Variants in AGK observed in about 807,000 individuals in gnomAD.
The protein encoded by AGK is acylglycerol kinase.
In AGK, 52 loss-of-function variants were observed where a neutral mutation model predicts 66.4. The observed-to-expected ratio is 0.78, with a 90% CI of 0.63 to 0.99. AGK has a LOEUF of 0.99. AGK is among the 50% of genes least tolerant of loss of function. The pLI is 0.00. For missense variants in AGK, 451 were observed against 506.6 expected, an observed-to-expected ratio of 0.89 and a Z score of 1.05; for synonymous variants, 182 against 181.1, an observed-to-expected ratio of 1.00 and a Z score of -0.04.
In AGK at chr7:141,653,335, C is replaced by T; in HGVS notation, c.*411C>T. The T allele has an allele frequency of 5.9e-6, 1 of 170,494 alleles. No individual in the cohort carries two copies. The highest frequency in any genetic ancestry group is 1.3e-5 in the Non-Finnish European group (1 of 78,182). 10.6% of individuals were successfully genotyped at this position (170,494 alleles called of 1,614,324 possible). On this transcript the variant is annotated 3_prime_UTR_variant, in exon 16 of 16. Coordinates refer to ENST00000649286, the MANE Select transcript of AGK (RefSeq NM_018238.4). ...TGCATTCCTGCCCTGGTGACCTTTT[C>T]CTATGTCTAGGCTCCTCCACAGGTG... is the stretch of plus-strand genomic sequence containing the variant.
intron 2 of AGK, among the ~76,000 whole-genome samples, chr7:141,589,007 T>G (rs192683046): frequency 1.3e-5 from 2 of 152,312 alleles, no homozygotes; most frequent in African/African-American, 4.8e-5. Flanking sequence ...GCAAGGTCTT[T>G]ATCAGCTATA....
At chr7:141,554,094 A>G (rs541406415) in intron 1 of AGK, among the ~76,000 whole-genome samples, 1 of 152,222 alleles carries the variant, frequency 6.6e-6, no homozygotes, top group African/African-American at 2.4e-5. Context: ...AATCCCAGCA[A>G]TTTGGATGGC....
At chr7:141,638,514 G>A (rs1172797255) in intron 11 of AGK, among the ~76,000 whole-genome samples, 2 of 152,026 alleles carry the variant, frequency 1.3e-5, no homozygotes, top group Non-Finnish European at 2.9e-5. Flanking sequence ...TAGAAAAATT[G>A]TTTTTTTCTA....
intron 3 of AGK, 102 bp downstream of exon 3, chr7:141,593,287 A>T (rs747327338): frequency 9.4e-7 from 1 of 1,064,338 alleles, no homozygotes; most frequent in Admixed American, 1.8e-5. Flanking sequence ...GCATCTGTGC[A>T]GTCTGGCTAT....
At chr7:141,587,276 C>T (rs1796013083) in intron 2 of AGK, among the ~76,000 whole-genome samples, 1 of 152,194 alleles carries the variant, frequency 6.6e-6, no homozygotes, top group African/African-American at 2.4e-5. Flanking sequence ...ATCCTAGTTC[C>T]AGTCATCATC....
rs373915084 is a variant in AGK, at chr7:141,555,005, C to T, written c.-14-448C>T. Among the ~76,000 whole-genome samples the T allele has an allele frequency of 5.3e-5, 8 of 152,098 alleles. No homozygotes were observed. Among genetic ancestry groups the T allele is most frequent in the East Asian group, 1.9e-4 (1 of 5,186 alleles). ...CTGGTATTTTCTTCTATTTTGAACT[C>T]GCCCTTCATATTATTATTTTTTGGG... On this transcript the variant is annotated intron_variant, in intron 1 of 15. Coordinates refer to ENST00000649286, the MANE Select transcript of AGK (RefSeq NM_018238.4). This position sits in a 1 kb window ranked among gnomAD's most constrained non-coding sequence, Gnocchi z 4.2.
At chr7:141,554,108 G>A (rs1587051360) in intron 1 of AGK, among the ~76,000 whole-genome samples, 2 of 152,112 alleles carry the variant, frequency 1.3e-5, no homozygotes, top group East Asian at 3.9e-4. Context: ...GGATGGCCAA[G>A]GCGGGAGGAT....
chr7:141,585,910 T>C (rs186310144), intron 2 of AGK, among the ~76,000 whole-genome samples: 21 of 152,324 alleles, frequency 1.4e-4, no homozygotes, highest in Admixed American at 1.1e-3. Flanking sequence ...TATGACTACG[T>C]TTTGTAGCAC....
intron 2 of AGK, among the ~76,000 whole-genome samples, chr7:141,586,287 A>G (rs2116908192): frequency 6.6e-6 from 1 of 152,312 alleles, no homozygotes; most frequent in South Asian, 2.1e-4. Flanking sequence ...GTACTACACC[A>G]TAATGACTCT....
At position 141,585,133 on chromosome 7, in the gene AGK, T is replaced by G. The variant is rs550947773; in HGVS notation, c.102-8013T>G. On this transcript the variant is annotated intron_variant, in intron 2 of 15. Coordinates refer to ENST00000649286, the MANE Select transcript of AGK (RefSeq NM_018238.4). ...TTGTTCCCTTGGCTTTCTGACCTGT[T>G]ACACTGCATACCTTCTATCCAAATG... is the stretch of plus-strand genomic sequence containing the variant. Among the ~76,000 whole-genome samples the G allele has an allele frequency of 2.2e-3, 339 of 152,364 alleles. 1 individual carries two copies. Among genetic ancestry groups the G allele is most frequent in the African/African-American group, 7.9e-3 (327 of 41,576 alleles).
intron 2 of AGK, among the ~76,000 whole-genome samples, chr7:141,568,717 G>A (rs1428964472): frequency 2.0e-5 from 3 of 151,892 alleles, no homozygotes; most frequent in Non-Finnish European, 4.4e-5. Flanking sequence ...GACTACATGT[G>A]TGTGCCACCA....
intron 11 of AGK, among the ~76,000 whole-genome samples, chr7:141,638,745 C>T (rs1276274294): frequency 6.6e-6 from 1 of 152,048 alleles, no homozygotes; most frequent in Admixed American, 6.5e-5. Context: ...CTGGAGTTTT[C>T]CACTGATGTT....
intron 7 of AGK, among the ~76,000 whole-genome samples, chr7:141,614,943 T>C (rs988305360): frequency 1.3e-5 from 2 of 152,242 alleles, no homozygotes; most frequent in African/African-American, 4.8e-5. Context: ...CAGAATTGTT[T>C]TGAACCTTAC....
intron 2 of AGK, among the ~76,000 whole-genome samples, chr7:141,578,367 CGGCCATTTTCACT>C: frequency 6.6e-6 from 1 of 151,912 alleles, no homozygotes; most frequent in African/African-American, 2.4e-5. Flanking sequence ...AGGCAGGGAC[CGGCCATTTTCACT>C]TCTTTTGTGA....
chr7:141,641,812 C>A lies in AGK; in HGVS notation c.879C>A (p.Ala293=). ...CCTGTATCTAATGGATTCCCACAGC[C>A]CTTTCCCAAGAGGTGAGCCCGGAGG... The part of the protein sequence containing the change: ...LASYWAQPQD[A]LSQEVSPEVW... Residue 293 remains alanine (A), a splice_region_variant and synonymous_variant, in exon 13 of 16, where the codon GCC becomes GCA. Coordinates refer to ENST00000649286, the MANE Select transcript of AGK (RefSeq NM_018238.4). 2 of 1,572,920 alleles carry A rather than the reference C, an allele frequency of 1.3e-6. No individual in the cohort carries two copies. The highest frequency in any genetic ancestry group is 4.6e-5 in the East Asian group (2 of 43,434).
At chr7:141,576,769 G>C (rs1795748348) in intron 2 of AGK, among the ~76,000 whole-genome samples, 1 of 152,074 alleles carries the variant, frequency 6.6e-6, no homozygotes, top group African/African-American at 2.4e-5. Flanking sequence ...GCCAGGCGTG[G>C]TGGCTCATGC....
intron 5 of AGK, among the ~76,000 whole-genome samples, chr7:141,608,793 G>A (rs1368127267): frequency 4.6e-5 from 7 of 152,144 alleles, no homozygotes; most frequent in African/African-American, 1.4e-4. Context: ...ATCATAAAGT[G>A]ACTTGCCAGG....
intron 11 of AGK, among the ~76,000 whole-genome samples, chr7:141,638,827 T>C (rs1323772832): frequency 1.3e-5 from 2 of 152,166 alleles, no homozygotes; most frequent in African/African-American, 2.4e-5. Flanking sequence ...GAGTTTAACA[T>C]ACCTGTGGTA....
chr7:141,622,224 G>A (rs1796841294), intron 9 of AGK, among the ~76,000 whole-genome samples: 1 of 151,996 alleles, frequency 6.6e-6, no homozygotes, highest in Admixed American at 6.6e-5. Flanking sequence ...CCAAGTAGCT[G>A]AAATTACAGG....
Sources: allele counts gnomAD v4.1 joint callset (sites outside exome capture counted in the v4.1 genomes callset), GRCh38; gene constraint gnomAD v4.1.1; non-coding constraint Gnocchi (gnomAD v3.1); transcripts MANE v1.5; gene names NCBI Gene and HGNC (gene_info 2026-07-23, HGNC 2026-07-21).